SLIT3: variants seen among roughly 807,000 people sequenced by gnomAD.
SLIT3 encodes slit guidance ligand 3, also known as slit homolog 3 protein.
Under a neutral mutation model 184.0 loss-of-function variants are expected in SLIT3, and 68 were observed. That is an observed-to-expected ratio of 0.37 (90% CI 0.30 to 0.45). The LOEUF is 0.45. SLIT3 is among the 20% of genes least tolerant of loss of function. The pLI, the probability that SLIT3 is intolerant of heterozygous loss-of-function variation, is 1.00. For missense variants in SLIT3, 1,707 were observed against 2,026.0 expected, an observed-to-expected ratio of 0.84 and a Z score of 3.02; for synonymous variants, 831 against 828.6, an observed-to-expected ratio of 1.00 and a Z score of -0.05.
intron 3 of SLIT3, among the ~76,000 whole-genome samples, chr5:169,239,442 A>C (rs1405809563): frequency 6.6e-6 from 1 of 152,130 alleles, no homozygotes. Context: ...TGCTAAAGCC[A>C]TCTGAGCCTA....
At chr5:168,926,100 G>A (rs923091999) in intron 4 of SLIT3, among the ~76,000 whole-genome samples, 3 of 152,082 alleles carry the variant, frequency 2.0e-5, no homozygotes, top group African/African-American at 7.2e-5. Context: ...ACAAGCTATG[G>A]TTCCCAGAGC....
At chr5:169,040,865 G>A (rs185107903) in intron 4 of SLIT3, among the ~76,000 whole-genome samples, 18 of 152,224 alleles carry the variant, frequency 1.2e-4, no homozygotes, top group Non-Finnish European at 1.9e-4. Flanking sequence ...CATAAACAGC[G>A]GCAATCTTTC....
In SLIT3 at chr5:168,702,985, C is replaced by T. The variant is rs149008239; in HGVS notation, c.2845-2306G>A. Among the ~76,000 whole-genome samples the T allele has an allele frequency of 1.1e-4, 17 of 152,248 alleles. No homozygotes were observed. In the East Asian group the frequency reaches 3.3e-3, roughly 29 times the overall value. ...GCGGTGGTGGTGGAGGTGGTGGCAA[C>T]TCCTGCAGCCCTTTACGCCAAGCAC... On this transcript the variant is annotated intron_variant, in intron 26 of 35. Coordinates refer to ENST00000519560, the MANE Select transcript of SLIT3 (RefSeq NM_003062.4).
chr5:168,733,793 A>T (rs575606444), intron 20 of SLIT3, among the ~76,000 whole-genome samples: 4 of 122,722 alleles, frequency 3.3e-5, no homozygotes, highest in Non-Finnish European at 7.2e-5. Flanking sequence ...TTAAAATAAA[A>T]AAAAATTAAA....
At chr5:169,127,185 T>A (rs1175446993) in intron 4 of SLIT3, among the ~76,000 whole-genome samples, 1 of 151,970 alleles carries the variant, frequency 6.6e-6, no homozygotes, top group Non-Finnish European at 1.5e-5. Context: ...AGGCTAAGAG[T>A]ACCAATGAGG....
chr5:169,219,123 C>T (rs1016062208), intron 3 of SLIT3, among the ~76,000 whole-genome samples: 1 of 152,184 alleles, frequency 6.6e-6, no homozygotes. Flanking sequence ...AGGACACATT[C>T]CCCCAGGACA....
intron 14 of SLIT3, chr5:168,772,544 A>C: frequency 1.9e-6 from 1 of 530,182 alleles, no homozygotes; most frequent in Non-Finnish European, 3.3e-6. Flanking sequence ...CTCCCCTGCA[A>C]CCGTCTCCTC....
At chr5:169,041,678 A>G (rs1581342966) in intron 4 of SLIT3, among the ~76,000 whole-genome samples, 2 of 152,292 alleles carry the variant, frequency 1.3e-5, no homozygotes, top group Admixed American at 1.3e-4. Context: ...GCTTAAAGCT[A>G]TTTTCTACTT....
chr5:168,782,233 C>T (rs1756001326), intron 12 of SLIT3, among the ~76,000 whole-genome samples: 1 of 152,136 alleles, frequency 6.6e-6, no homozygotes, highest in South Asian at 2.1e-4. Flanking sequence ...AGCCCGAAGA[C>T]AGTCTGGTTT....
At chr5:168,910,207 C>G (rs1334429832) in intron 4 of SLIT3, among the ~76,000 whole-genome samples, 2 of 152,188 alleles carry the variant, frequency 1.3e-5, no homozygotes, top group Admixed American at 1.3e-4. Context: ...TGTGTGTTTA[C>G]ACGATATGGA....
rs1758674665 is a variant in SLIT3, at chr5:168,851,352, G to A, written c.486-6697C>T. 2.0e-5 allele frequency among the ~76,000 whole-genome samples: 3 copies of A among 150,540 alleles called. No homozygotes were observed. The South Asian group carries it at 6.3e-4, about 32-fold the overall frequency. ...AAAAAAAAAAAAAGATAGTTACGGG[G>A]GACAAGCAGAGATCCCACTTAATTT... On this transcript the variant is annotated intron_variant, in intron 5 of 35. Coordinates refer to ENST00000519560, the MANE Select transcript of SLIT3 (RefSeq NM_003062.4).
chr5:169,286,438 A>G (rs946558857), intron 1 of SLIT3, among the ~76,000 whole-genome samples: 1 of 152,152 alleles, frequency 6.6e-6, no homozygotes, highest in African/African-American at 2.4e-5. Context: ...GCCTCTAGAA[A>G]GTCTCTTGAA....
At chr5:169,221,541 T>C (rs1200151955) in intron 3 of SLIT3, among the ~76,000 whole-genome samples, 1 of 152,214 alleles carries the variant, frequency 6.6e-6, no homozygotes, top group African/African-American at 2.4e-5. Context: ...CTCAACAGTA[T>C]TACACATCTG....
chr5:169,057,982 T>C (rs1486757839), intron 4 of SLIT3, among the ~76,000 whole-genome samples: 2 of 152,176 alleles, frequency 1.3e-5, no homozygotes, highest in Non-Finnish European at 2.9e-5. Context: ...CTATAGAAAA[T>C]ACCCAGGGAC....
chr5:168,697,680 A>T (rs75314150), intron 27 of SLIT3, among the ~76,000 whole-genome samples: 1 of 152,150 alleles, frequency 6.6e-6, no homozygotes, highest in Non-Finnish European at 1.5e-5. Flanking sequence ...CCTTTCTACA[A>T]CTGAAAACCA....
intron 30 of SLIT3, 105 bp downstream of exon 30, chr5:168,686,874 A>G: frequency 1.4e-6 from 2 of 1,401,276 alleles, no homozygotes; most frequent in Non-Finnish European, 2.0e-6. Context: ...CCGGGGCTAC[A>G]GCCACCTGGG....
At chr5:169,217,134 A>G (rs1764463036) in intron 3 of SLIT3, among the ~76,000 whole-genome samples, 1 of 128,404 alleles carries the variant, frequency 7.8e-6, no homozygotes, top group African/African-American at 2.8e-5. Context: ...GTAGGTTAAA[A>G]AAAAAAAAAA....
intron 4 of SLIT3, among the ~76,000 whole-genome samples, chr5:169,125,826 G>C (rs1351069082): frequency 6.6e-6 from 1 of 152,196 alleles, no homozygotes; most frequent in African/African-American, 2.4e-5. Context: ...CAGCTTGAGA[G>C]GAATGAAGCC....
intron 1 of SLIT3, among the ~76,000 whole-genome samples, chr5:169,274,831 T>C (rs943863993): frequency 3.3e-5 from 5 of 152,218 alleles, no homozygotes; most frequent in Non-Finnish European, 5.9e-5. Context: ...ACTTACCAGT[T>C]GGGTGGTCTT....
Sources: allele counts gnomAD v4.1 joint callset (sites outside exome capture counted in the v4.1 genomes callset), GRCh38; gene constraint gnomAD v4.1.1; transcripts MANE v1.5; gene names NCBI Gene and HGNC (gene_info 2026-07-23, HGNC 2026-07-21).